Variants in SYNPR observed in about 807,000 individuals in gnomAD.
SYNPR encodes synaptoporin.
In SYNPR, 23 loss-of-function variants were observed where a neutral mutation model predicts 32.9. The ratio of observed to expected loss-of-function variants is 0.70; its 90% CI spans 0.50 to 0.99. The LOEUF (loss-of-function observed/expected upper bound fraction) is 0.99. SYNPR is among the 50% of genes least tolerant of loss of function. SYNPR has a pLI of 0.00. For synonymous variants in SYNPR, 146 were observed against 135.9 expected (o/e 1.07, Z -0.52); for missense variants, 318 against 349.3 (o/e 0.91, Z 0.71).
chr3:63,528,930 G>A (rs1702064628), intron 3 of SYNPR, among the ~76,000 whole-genome samples: 1 of 152,148 alleles, frequency 6.6e-6, no homozygotes, highest in Admixed American at 6.5e-5. Flanking sequence ...GTGATCCATA[G>A]AATTGACACC....
intron 1 of SYNPR, among the ~76,000 whole-genome samples, chr3:63,230,281 A>G (rs554217100): frequency 2.6e-5 from 4 of 152,256 alleles, no homozygotes; most frequent in Non-Finnish European, 5.9e-5. Context: ...GGTCCTTTTT[A>G]GATATTTGCT....
intron 2 of SYNPR, among the ~76,000 whole-genome samples, chr3:63,447,429 TTATC>T (rs1700298277): frequency 6.6e-6 from 1 of 152,170 alleles, no homozygotes; most frequent in South Asian, 2.1e-4. Flanking sequence ...CACTTAAAAA[TTATC>T]TATTAAGTAT....
intron 2 of SYNPR, among the ~76,000 whole-genome samples, chr3:63,390,643 G>T (rs542283804): frequency 5.9e-5 from 9 of 152,194 alleles, no homozygotes; most frequent in African/African-American, 1.4e-4. Context: ...CTAGGGCTTC[G>T]GGTTCCCCAT....
intron 2 of SYNPR, among the ~76,000 whole-genome samples, chr3:63,347,642 C>T (rs2107012342): frequency 6.6e-6 from 1 of 152,248 alleles, no homozygotes; most frequent in Non-Finnish European, 1.5e-5. Flanking sequence ...CCCTTCCAGC[C>T]TTCCAAGTCT....
Position 63,413,247 on chromosome 3 carries a change from T to G in SYNPR, c.85-67585T>G, listed in dbSNP as rs1575631659. ...AGTGTGTCTTTAATCTCTCTTTAAT[T>G]GATGCATATTGCTTTTTATCATATT... On this transcript the variant is annotated intron_variant, in intron 2 of 5. Coordinates refer to ENST00000478300, the MANE Select transcript of SYNPR (RefSeq NM_001130003.2). Among the ~76,000 whole-genome samples, 6 of 152,322 alleles carry G rather than the reference T, an allele frequency of 3.9e-5. 1 individual carries two copies. Among genetic ancestry groups the G allele is most frequent in the East Asian group, 1.9e-4 (1 of 5,180 alleles).
chr3:63,262,210 T>G (rs1239611823), intron 2 of SYNPR, among the ~76,000 whole-genome samples: 1 of 152,010 alleles, frequency 6.6e-6, no homozygotes, highest in East Asian at 1.9e-4. Flanking sequence ...GGGTATGCAA[T>G]TTTAGGACTG....
intron 2 of SYNPR, among the ~76,000 whole-genome samples, chr3:63,260,887 C>A (rs1342586248): frequency 2.0e-5 from 3 of 148,224 alleles, no homozygotes; most frequent in South Asian, 2.1e-4. Context: ...AAAAAAAAAA[C>A]CATCAAAAGT....
intron 3 of SYNPR, among the ~76,000 whole-genome samples, chr3:63,507,844 G>C (rs1177616367): frequency 2.0e-5 from 3 of 149,896 alleles, no homozygotes; most frequent in African/African-American, 7.4e-5. Context: ...ATGGGATTCA[G>C]GAACTCCAAC....
chr3:63,606,417 CTTT>C lies in SYNPR; in HGVS notation c.409-2688_409-2686del, dbSNP rs61299069. On this transcript the variant is annotated intron_variant, in intron 4 of 5. Coordinates refer to ENST00000478300, the MANE Select transcript of SYNPR (RefSeq NM_001130003.2). The stretch of plus-strand genomic sequence containing the variant: ...AATTAAGCAGGACCTCAAATCCTTT[CTTT>C]TTTTTTTTTTTTTTTTTTTAGCAAT... Among the ~76,000 whole-genome samples, 8 of 68,300 alleles carry C rather than the reference CTTT, an allele frequency of 1.2e-4. 1 individual carries two copies. Among genetic ancestry groups the C allele is most frequent in the South Asian group, 1.4e-3 (2 of 1,436 alleles). The allele number at this position is 68,300 out of a possible 152,430, so 44.8% of individuals were successfully genotyped here. A position where few individuals can be genotyped will look rare whatever the true frequency, so the allele number is the denominator to read the frequency against.
chr3:63,209,615 C>T, the SYNPR span, among the ~76,000 whole-genome samples: 16 of 152,246 alleles, frequency 1.1e-4, no homozygotes, highest in Non-Finnish European at 2.2e-4. Flanking sequence ...GTTCTGGCTC[C>T]TTCTCACTTT....
intron 2 of SYNPR, among the ~76,000 whole-genome samples, chr3:63,353,502 A>G (rs1477981863): frequency 6.6e-6 from 1 of 152,232 alleles, no homozygotes; most frequent in African/African-American, 2.4e-5. Flanking sequence ...GATGAATTAA[A>G]AAGGCTTTGT....
At chr3:63,227,789 T>C (rs1432601271), upstream of SYNPR, among the ~76,000 whole-genome samples, 2 of 152,202 alleles carry the variant, frequency 1.3e-5, no homozygotes, top group African/African-American at 4.8e-5. Context: ...ATTCCAGCAG[T>C]AGTCTTCCAC....
At chr3:63,562,233 T>C (rs1231983199) in intron 4 of SYNPR, among the ~76,000 whole-genome samples, 1 of 152,200 alleles carries the variant, frequency 6.6e-6, no homozygotes, top group Non-Finnish European at 1.5e-5. Flanking sequence ...TCAAGTCAAA[T>C]AATGAGGATT....
chr3:63,591,880 C>T (rs897669279), intron 4 of SYNPR, among the ~76,000 whole-genome samples: 21 of 147,234 alleles, frequency 1.4e-4, no homozygotes, highest in Non-Finnish European at 2.7e-4. Context: ...GTGGGTGCAG[C>T]GCACCAGCAT....
intron 4 of SYNPR, among the ~76,000 whole-genome samples, chr3:63,566,602 G>T (rs1041626499): frequency 1.3e-5 from 2 of 152,094 alleles, no homozygotes; most frequent in Non-Finnish European, 2.9e-5. Flanking sequence ...CTGTGATGGG[G>T]AGACATTAGC....
At chr3:63,505,744 T>C (rs1701575012) in intron 3 of SYNPR, among the ~76,000 whole-genome samples, 1 of 152,212 alleles carries the variant, frequency 6.6e-6, no homozygotes, top group African/African-American at 2.4e-5. Context: ...AGGGTTTTAT[T>C]GGTTATCAAC....
intron 3 of SYNPR, among the ~76,000 whole-genome samples, chr3:63,539,316 C>A (rs1435287831): frequency 6.6e-6 from 1 of 152,084 alleles, no homozygotes; most frequent in African/African-American, 2.4e-5. Context: ...GGTGCATTTT[C>A]ACAAGTTTTA....
rs568661885 is a variant in SYNPR at position 63,517,253 on chromosome 3, T to C, written c.209+36297T>C. Among the ~76,000 whole-genome samples, 215 of 152,260 alleles carry C rather than the reference T, an allele frequency of 1.4e-3. 1 individual carries two copies. Among genetic ancestry groups the C allele is most frequent in the African/African-American group, 4.9e-3 (205 of 41,574 alleles). On this transcript the variant is annotated intron_variant, in intron 3 of 5. Coordinates refer to ENST00000478300, the MANE Select transcript of SYNPR (RefSeq NM_001130003.2). ...AGCTTTAGAACCAATCTTAACTCTG[T>C]CTCAGTTTCCTTCTCTGTATAATGG... is the stretch of plus-strand genomic sequence containing the variant.
chr3:63,587,191 G>C (rs1362446624), intron 4 of SYNPR, among the ~76,000 whole-genome samples: 3 of 151,994 alleles, frequency 2.0e-5, no homozygotes, highest in Non-Finnish European at 4.4e-5. Context: ...GACTAAATAA[G>C]GCCATGTCAC....
Sources: allele counts gnomAD v4.1 joint callset (sites outside exome capture counted in the v4.1 genomes callset), GRCh38; gene constraint gnomAD v4.1.1; transcripts MANE v1.5; gene names NCBI Gene and HGNC (gene_info 2026-07-23, HGNC 2026-07-21).